Variants in KLHL21 observed in about 807,000 individuals in gnomAD.
The protein encoded by KLHL21 is kelch-like protein 21.
In KLHL21, 42 loss-of-function variants were observed where a neutral mutation model predicts 44.1. The observed-to-expected ratio is 0.95, with a 90% CI of 0.74 to 1.23. KLHL21 has a LOEUF of 1.23. KLHL21 is among the 50% of genes most tolerant of loss of function. KLHL21 has a pLI of 0.00. For missense variants in KLHL21, 918 were observed against 889.1 expected (o/e 1.03, Z -0.41); for synonymous variants, 524 against 411.6 (o/e 1.27, Z -3.31).
chr1:6,599,265 C>T lies in KLHL21; in HGVS notation c.1209G>A (p.Glu403=). 1 of 1,614,052 alleles carries T rather than the reference C, an allele frequency of 6.2e-7. No individual in the cohort carries two copies. Among genetic ancestry groups the T allele is most frequent in the Non-Finnish European group, 8.5e-7 (1 of 1,180,008 alleles). Reference sequence around the variant, plus strand: ...TGGGGTAGGTCATGGGCTGCAGGGCCTCCCAGGAGTCAGTGGTGTGGTCAT... The same window carrying T: ...TGGGGTAGGTCATGGGCTGCAGGGCTTCCCAGGAGTCAGTGGTGTGGTCAT... ...ERYDHTTDSW[E]ALQPMTYPMD... is the part of the protein sequence containing the mutation. The change falls in exon 2 of 4, where the codon GAG becomes GAA. Residue 403 remains glutamate, a synonymous_variant. Coordinates refer to ENST00000377658, the MANE Select transcript of KLHL21 (RefSeq NM_014851.4).
At chr1:6,598,964 G>T (rs998726975) in intron 2 of KLHL21, 83 bp downstream of exon 2, 188 of 1,353,816 alleles carry the variant, frequency 1.4e-4, no homozygotes, top group Non-Finnish European at 1.8e-4. Flanking sequence ...TGTGGAAAAG[G>T]GAGAACAGCC....
At chr1:6,598,979 T>C in intron 2 of KLHL21, 68 bp downstream of exon 2, 2 of 1,438,186 alleles carry the variant, frequency 1.4e-6, no homozygotes, top group Non-Finnish European at 1.9e-6. Context: ...ACAGCCATGA[T>C]GTGTGCTTAA....
Position 6,602,617 on chromosome 1 carries a change from C to T in KLHL21, c.201G>A (p.Gly67=). Residue 67 remains glycine, a synonymous_variant, in exon 1 of 4, where the codon GGG becomes GGA. Transcript: ENST00000377658. ...GCTCGGCGCGGCTCTCGCGCAGCTG[C>T]CCCGCGAACATGGCGCGGAAGTAGG... The part of the protein sequence containing the change: ...ASPYFRAMFA[G]QLRESRAERV... 5 of 1,520,912 alleles carry T rather than the reference C, an allele frequency of 3.3e-6. No individual in the cohort carries two copies. Among genetic ancestry groups the T allele is most frequent in the African/African-American group, 1.4e-5 (1 of 71,276 alleles). 94.2% of individuals were successfully genotyped at this position (1,520,912 alleles called of 1,614,324 possible).
Position 6,597,116 on chromosome 1 carries a change from C to T in KLHL21, c.1428-1559G>A, listed in dbSNP as rs114860492. Among the ~76,000 whole-genome samples the T allele has an allele frequency of 3.8e-4, 58 of 152,340 alleles. 1 individual carries two copies. The highest frequency in any genetic ancestry group is 1.2e-3 in the African/African-American group (50 of 41,584). ...GCCTGGGCGCCCCTCCTCTGTGCTCCGGCACAGGTCACACTGGTAAGATGA... is the reference window on the plus strand; with the variant it reads ...GCCTGGGCGCCCCTCCTCTGTGCTCTGGCACAGGTCACACTGGTAAGATGA... On this transcript the variant is annotated intron_variant, in intron 2 of 3. Transcript: ENST00000377658.
At chr1:6,601,776 C>T (rs367993578) in intron 1 of KLHL21, 21 bp downstream of exon 1, 1,586 of 1,540,028 alleles carry the variant, frequency 1.0e-3, no homozygotes, top group Non-Finnish European at 1.3e-3. Flanking sequence ...AGAGAGCCTG[C>T]CCAGCCCCTG....
rs759103537 is a variant in KLHL21 at position 6,595,539 on chromosome 1, C to T, written c.1446G>A (p.Val482=). 3.1e-6 allele frequency: 5 copies of T among 1,613,860 alleles called. No individual in the cohort carries two copies. The highest frequency in any genetic ancestry group is 3.3e-4 in the Middle Eastern group (2 of 6,034). The change falls in exon 3 of 4, where the codon GTG becomes GTA. Residue 482 remains valine (V), a synonymous_variant. Coordinates refer to ENST00000377658, the MANE Select transcript of KLHL21 (RefSeq NM_014851.4). ...MYFVRDDSAE[V]DVYNPTRNEW... is the part of the protein sequence containing the mutation. ...CGTTCCTCGTCGGGTTGTACACGTC[C>T]ACCTCAGCGGAGTCATCCCTGTGGA...
Position 6,591,308 on chromosome 1 carries a change from C to T in KLHL21, c.*2057G>A, listed in dbSNP as rs1028170783. On this transcript the variant is annotated 3_prime_UTR_variant, in exon 4 of 4. Coordinates refer to ENST00000377658, the MANE Select transcript of KLHL21 (RefSeq NM_014851.4). ...GGGCACAATCCCAAGCGCAGCTCTC[C>T]TGCACTGGCTCGCACCACAGCCCTC... is the stretch of plus-strand genomic sequence containing the variant. 6.7e-6 allele frequency: 2 copies of T among 297,368 alleles called. No homozygotes were observed. Among genetic ancestry groups the T allele is most frequent in the African/African-American group, 2.1e-5 (1 of 46,748 alleles). 18.4% of individuals were successfully genotyped at this position (297,368 alleles called of 1,614,324 possible). A position where few individuals can be genotyped will look rare whatever the true frequency, so the allele number is the denominator to read the frequency against.
At chr1:6,596,382 G>A (rs1322513088) in intron 2 of KLHL21, among the ~76,000 whole-genome samples, 1 of 152,228 alleles carries the variant, frequency 6.6e-6, no homozygotes, top group East Asian at 1.9e-4. Context: ...AGTGAGCCAA[G>A]AGCGTGCTAT....
chr1:6,595,288 T>C, intron 3 of KLHL21, 197 bp downstream of exon 3: 1 of 668,306 alleles, frequency 1.5e-6, no homozygotes, highest in South Asian at 1.7e-5. Flanking sequence ...TACTAAGCTG[T>C]GTAATCATAG....
chr1:6,601,721 TC>T (rs1557436622), intron 1 of KLHL21, 75 bp downstream of exon 1: 2 of 1,465,132 alleles, frequency 1.4e-6, no homozygotes, highest in African/African-American at 1.4e-5. Context: ...TCTGTGCGCT[TC>T]CCCCGCGAAT....
intron 1 of KLHL21, 84 bp downstream of exon 1, chr1:6,601,713 T>C: frequency 6.8e-7 from 1 of 1,463,550 alleles, no homozygotes; most frequent in African/African-American, 1.4e-5. Context: ...TTCCAGGCTC[T>C]GTGCGCTTCC....
At chr1:6,599,668 C>A (rs1395173547) in intron 1 of KLHL21, 33 of 591,750 alleles carry the variant, frequency 5.6e-5, no homozygotes, top group Non-Finnish European at 9.3e-5. Context: ...TGCTGCCAAG[C>A]CTCTACCAAA....
chr1:6,591,213 G>C lies in KLHL21; in HGVS notation c.*2152C>G, dbSNP rs1256631350. 1 of 387,114 alleles carries C rather than the reference G, an allele frequency of 2.6e-6. No homozygotes were observed. The highest frequency in any genetic ancestry group is 4.6e-6 in the Non-Finnish European group (1 of 219,042). 24.0% of individuals were successfully genotyped at this position (387,114 alleles called of 1,614,324 possible). A position where few individuals can be genotyped will look rare whatever the true frequency, so the allele number is the denominator to read the frequency against. On this transcript the variant is annotated 3_prime_UTR_variant, in exon 4 of 4. Coordinates refer to ENST00000377658, the MANE Select transcript of KLHL21 (RefSeq NM_014851.4). The stretch of plus-strand genomic sequence containing the variant: ...TGGTGCCTGGTTTTCCCCATACTTG[G>C]TCTTCTAAACCCAAAGACAGGGTCC...
intron 2 of KLHL21, among the ~76,000 whole-genome samples, chr1:6,598,073 T>C (rs1640952355): frequency 6.6e-6 from 1 of 152,178 alleles, no homozygotes; most frequent in South Asian, 2.1e-4. Context: ...ACCTGTGAAA[T>C]CGCTTAAGAA....
chr1:6,600,506 A>C (rs976866175), intron 1 of KLHL21, among the ~76,000 whole-genome samples: 3 of 152,250 alleles, frequency 2.0e-5, no homozygotes, highest in Admixed American at 6.5e-5. Flanking sequence ...CAGAGCGGAC[A>C]AGACATTCTG....
At position 6,590,841 on chromosome 1, in the gene KLHL21, C is replaced by T; in HGVS notation, c.*2524G>A. On this transcript the variant is annotated 3_prime_UTR_variant, in exon 4 of 4. Transcript: ENST00000377658. Reference sequence around the variant, plus strand: ...AATAAATATGTCAACCTGCCCGACCCTCTGGGGTGAACTGGATGTGGACAC... The same window carrying T: ...AATAAATATGTCAACCTGCCCGACCTTCTGGGGTGAACTGGATGTGGACAC... The T allele has an allele frequency of 2.5e-6, 1 of 398,390 alleles. No individual in the cohort carries two copies. Among genetic ancestry groups the T allele is most frequent in the South Asian group, 1.3e-4 (1 of 7,772 alleles). 24.7% of individuals were successfully genotyped at this position (398,390 alleles called of 1,614,324 possible). A position where few individuals can be genotyped will look rare whatever the true frequency, so the allele number is the denominator to read the frequency against.
chr1:6,602,347 C>A lies in KLHL21; in HGVS notation c.471G>T (p.Ala157=). 1.3e-6 allele frequency: 2 copies of A among 1,561,248 alleles called. No homozygotes were observed. Among genetic ancestry groups the A allele is most frequent in the Non-Finnish European group, 8.6e-7 (1 of 1,158,912 alleles). The change falls in exon 1 of 4, where the codon GCG becomes GCT. Residue 157 remains alanine, a synonymous_variant. Coordinates refer to ENST00000377658, the MANE Select transcript of KLHL21 (RefSeq NM_014851.4). ...AFSCSGLASA[A]QRFILRHVGE... ...CCACGTGGCGCAGAATGAACCGCTG[C>A]GCCGCGCTCGCCAGTCCCGAGCAGC...
chr1:6,602,808 G>A lies in KLHL21; in HGVS notation c.10C>T (p.Pro4Ser). 1.4e-6 allele frequency: 2 copies of A among 1,455,752 alleles called. No individual in the cohort carries two copies. Among genetic ancestry groups the A allele is most frequent in the Non-Finnish European group, 1.8e-6 (2 of 1,114,340 alleles). The allele number at this position is 1,455,752 out of a possible 1,614,324, so 90.2% of individuals were successfully genotyped here. Reference protein sequence around the residue: MERPAPLAVLPFSD... With the variant: MERSAPLAVLPFSD... Reference sequence around the variant, plus strand: ...AAGGGAAGCACGGCCAGGGGCGCCGGTCGCTCCATGGCGCCTTCGATAGGT... The same window carrying A: ...AAGGGAAGCACGGCCAGGGGCGCCGATCGCTCCATGGCGCCTTCGATAGGT... Residue 4 changes from proline to serine, a missense_variant, in exon 1 of 4, where the codon CCG (proline) becomes TCG (serine). Transcript: ENST00000377658.
intron 3 of KLHL21, chr1:6,594,951 TC>T (rs1640903806): frequency 5.7e-6 from 1 of 174,084 alleles, no homozygotes; most frequent in Non-Finnish European, 1.2e-5. Flanking sequence ...TCTCAGCTAT[TC>T]AGGAAGGTGC....
Sources: allele counts gnomAD v4.1 joint callset (sites outside exome capture counted in the v4.1 genomes callset), GRCh38; gene constraint gnomAD v4.1.1; transcripts MANE v1.5; gene names NCBI Gene and HGNC (gene_info 2026-07-23, HGNC 2026-07-21).